VOPP1: variants seen among roughly 807,000 people sequenced by gnomAD.
VOPP1 encodes VOPP1 WW domain binding protein.
A neutral mutation model predicts 23.5 loss-of-function variants in VOPP1; 8 were observed. That is an observed-to-expected ratio of 0.34 (90% CI 0.20 to 0.61). The LOEUF is 0.61. Among genes scored for constraint, VOPP1 ranks in the 20% least tolerant of loss-of-function variants. VOPP1 has a pLI of 0.78. For missense variants in VOPP1, 174 were observed against 238.1 expected, an observed-to-expected ratio of 0.73 and a Z score of 1.77; for synonymous variants, 83 against 97.3, an observed-to-expected ratio of 0.85 and a Z score of 0.86.
chr7:55,558,049 G>A (rs1006492692), intron 1 of VOPP1, among the ~76,000 whole-genome samples: 2 of 152,192 alleles, frequency 1.3e-5, no homozygotes, highest in East Asian at 1.9e-4. Context: ...ATGGCGTTGC[G>A]TGGGGTTGGG....
intron 1 of VOPP1, among the ~76,000 whole-genome samples, chr7:55,535,652 G>A (rs771301674): frequency 1.3e-5 from 2 of 152,222 alleles, no homozygotes; most frequent in Non-Finnish European, 2.9e-5. Flanking sequence ...GAAAATTTTC[G>A]AGACTTCCAG....
chr7:55,541,294 G>C (rs73139628), intron 1 of VOPP1, among the ~76,000 whole-genome samples: 1 of 152,074 alleles, frequency 6.6e-6, no homozygotes, highest in African/African-American at 2.4e-5. Flanking sequence ...TTTTTTAAAT[G>C]GGCAAAGGAT....
intron 1 of VOPP1, among the ~76,000 whole-genome samples, chr7:55,530,160 G>A (rs1796419586): frequency 6.6e-6 from 1 of 152,086 alleles, no homozygotes; most frequent in African/African-American, 2.4e-5. Context: ...AACTTGTTGA[G>A]AGACTGTCAA....
chr7:55,569,843 C>G (rs1034469221), intron 1 of VOPP1, among the ~76,000 whole-genome samples: 1 of 152,112 alleles, frequency 6.6e-6, no homozygotes. Context: ...GAAACCCCTG[C>G]GCATGTGAGA....
At chr7:55,459,953 C>G (rs1562884872) in intron 4 of VOPP1, among the ~76,000 whole-genome samples, 1 of 152,010 alleles carries the variant, frequency 6.6e-6, no homozygotes, top group Non-Finnish European at 1.5e-5. Flanking sequence ...AGGTGTATCA[C>G]TAGGCTGTTT....
intron 4 of VOPP1, among the ~76,000 whole-genome samples, chr7:55,447,324 C>T (rs1035003131): frequency 4.6e-5 from 7 of 152,274 alleles, no homozygotes; most frequent in South Asian, 2.1e-4. Context: ...TGCGCTTACC[C>T]GGCTAGTGAG....
At chr7:55,462,248 CTTA>C (rs1285861242) in intron 4 of VOPP1, among the ~76,000 whole-genome samples, 1 of 152,108 alleles carries the variant, frequency 6.6e-6, no homozygotes, top group Non-Finnish European at 1.5e-5. Context: ...ACACTTTTCT[CTTA>C]TTGATTTTAG....
intron 2 of VOPP1, among the ~76,000 whole-genome samples, chr7:55,515,138 G>A (rs912956186): frequency 1.3e-5 from 2 of 152,196 alleles, no homozygotes. Context: ...CTCAGGGGTG[G>A]TGGCTGTAAG....
At chr7:55,537,526 A>G (rs2129049351) in intron 1 of VOPP1, 15 of 1,536,112 alleles carry the variant, frequency 9.8e-6, no homozygotes, top group Non-Finnish European at 1.2e-5. Flanking sequence ...CGTCCTTCGC[A>G]TTCTGTTAGG....
chr7:55,466,178 G>A (rs540426915), downstream of VOPP1, among the ~76,000 whole-genome samples: 1 of 152,306 alleles, frequency 6.6e-6, no homozygotes, highest in South Asian at 2.1e-4. Context: ...CTTCCGAACA[G>A]CCTCCAGAAC....
intron 1 of VOPP1, among the ~76,000 whole-genome samples, chr7:55,524,645 C>T (rs926401842): frequency 7.2e-5 from 11 of 152,156 alleles, no homozygotes; most frequent in Non-Finnish European, 1.2e-4. Flanking sequence ...CACAGAAGTC[C>T]TGATAATTGT....
intron 4 of VOPP1, among the ~76,000 whole-genome samples, chr7:55,439,039 T>A (rs1241217061): frequency 6.6e-6 from 1 of 152,198 alleles, no homozygotes; most frequent in Admixed American, 6.5e-5. Context: ...AACCCGGTTG[T>A]ACGCACATTG....
intron 1 of VOPP1, chr7:55,571,848 T>C (rs1798369893): frequency 6.1e-6 from 1 of 164,700 alleles, no homozygotes; most frequent in African/African-American, 2.4e-5. Flanking sequence ...CATCCTTTCC[T>C]AACCCCAAAC....
chr7:55,548,525 G>C (rs1797463495), intron 1 of VOPP1, among the ~76,000 whole-genome samples: 1 of 152,234 alleles, frequency 6.6e-6, no homozygotes, highest in African/African-American at 2.4e-5. Context: ...CGTTCCATGA[G>C]AGGCAAAGCT....
chr7:55,502,481 G>T (rs1048670288), intron 2 of VOPP1, among the ~76,000 whole-genome samples: 4 of 152,234 alleles, frequency 2.6e-5, no homozygotes, highest in African/African-American at 9.6e-5. Context: ...CTGCGGCGCT[G>T]GCCCGGCTCC....
At position 55,443,503 on chromosome 7, in the gene VOPP1, A is replaced by G. The variant is rs376834846; in HGVS notation, n.418-7329T>C. Among the ~76,000 whole-genome samples the G allele has an allele frequency of 9.9e-3, 1,503 of 152,112 alleles. 20 individuals carry two copies. The highest frequency in any genetic ancestry group is 0.033 in the African/African-American group (1,361 of 41,520). On this transcript the variant is annotated intron_variant and non_coding_transcript_variant, in intron 4 of 4. Coordinates refer to the VOPP1 transcript ENST00000462326. Reference sequence around the variant, plus strand: ...CAGGAGGCAGAGCTTGCAGTGAGCCAAGATCACGCCACTGCGCTCCAGCCT... The same window carrying G: ...CAGGAGGCAGAGCTTGCAGTGAGCCGAGATCACGCCACTGCGCTCCAGCCT...
intron 4 of VOPP1, among the ~76,000 whole-genome samples, chr7:55,452,208 A>T (rs1791262112): frequency 2.0e-5 from 3 of 152,150 alleles, no homozygotes; most frequent in Admixed American, 6.5e-5. Flanking sequence ...CACCTTCTTC[A>T]CTCATCCATA....
intron 1 of VOPP1, among the ~76,000 whole-genome samples, chr7:55,549,067 C>T (rs1355780366): frequency 6.6e-6 from 1 of 152,100 alleles, no homozygotes; most frequent in Non-Finnish European, 1.5e-5. Context: ...CAGGTAGGGG[C>T]GTGTCTAGCA....
intron 1 of VOPP1, among the ~76,000 whole-genome samples, chr7:55,568,142 C>A (rs1798224407): frequency 6.9e-6 from 1 of 144,826 alleles, no homozygotes; most frequent in Admixed American, 7.1e-5. Context: ...TGCAGTGGCA[C>A]AATCTCCGCT....
Sources: allele counts gnomAD v4.1 joint callset (sites outside exome capture counted in the v4.1 genomes callset), GRCh38; gene constraint gnomAD v4.1.1; transcripts MANE v1.5; gene names NCBI Gene and HGNC (gene_info 2026-07-23, HGNC 2026-07-21).